ARHGEF10L: variants seen among roughly 807,000 people sequenced by gnomAD.
The protein encoded by ARHGEF10L is Rho guanine nucleotide exchange factor 10 like, also known as rho guanine nucleotide exchange factor 10-like protein.
ARHGEF10L carries 69 observed loss-of-function variants against 141.2 expected under a neutral mutation model. The ratio of observed to expected loss-of-function variants is 0.49; its 90% confidence interval spans 0.40 to 0.60. ARHGEF10L has a LOEUF of 0.60. ARHGEF10L is among the 20% of genes least tolerant of loss of function. The pLI, the probability that ARHGEF10L is intolerant of heterozygous loss-of-function variation, is 0.00. For synonymous variants in ARHGEF10L, 711 were observed against 718.5 expected (o/e 0.99, Z 0.17); for missense variants, 1,482 against 1,734.3 (o/e 0.85, Z 2.58).
chr1:17,676,957 C>T (rs1305986197), intron 26 of ARHGEF10L, among the ~76,000 whole-genome samples: 2 of 151,884 alleles, frequency 1.3e-5, no homozygotes, highest in Non-Finnish European at 2.9e-5. Flanking sequence ...CCTTAGTCCT[C>T]ACTCCCTCCT....
intron 26 of ARHGEF10L, among the ~76,000 whole-genome samples, chr1:17,684,041 G>A (rs1291639494): frequency 2.0e-5 from 3 of 152,216 alleles, no homozygotes; most frequent in South Asian, 2.1e-4. Flanking sequence ...AAGGAGCTGC[G>A]TGCTGTGTTT....
intron 4 of ARHGEF10L, among the ~76,000 whole-genome samples, chr1:17,598,974 T>C (rs2080373477): frequency 6.6e-6 from 1 of 152,110 alleles, no homozygotes; most frequent in African/African-American, 2.4e-5. Context: ...TCTGGGTAAT[T>C]GAAACTTTGT....
At chr1:17,601,981 T>C in intron 4 of ARHGEF10L, 146 bp from the exon 5 acceptor site, 2 of 669,028 alleles carry the variant, frequency 3.0e-6, no homozygotes, top group South Asian at 1.9e-5. Context: ...GGGGCTTGTC[T>C]GAGGCCAACT....
intron 4 of ARHGEF10L, among the ~76,000 whole-genome samples, chr1:17,591,692 G>A (rs1264823466): frequency 2.6e-5 from 4 of 151,944 alleles, no homozygotes; most frequent in Admixed American, 1.3e-4. Context: ...GATTATAGGC[G>A]TGAGCCACCG....
At chr1:17,680,675 G>A (rs925923006) in intron 26 of ARHGEF10L, among the ~76,000 whole-genome samples, 1 of 151,768 alleles carries the variant, frequency 6.6e-6, no homozygotes, top group African/African-American at 2.4e-5. Flanking sequence ...AGAGGAGACT[G>A]AGTCACTGGG....
chr1:17,557,795 G>A (rs1236339057), intron 1 of ARHGEF10L, among the ~76,000 whole-genome samples: 2 of 152,228 alleles, frequency 1.3e-5, no homozygotes, highest in Non-Finnish European at 2.9e-5. Flanking sequence ...CTATGGCTTG[G>A]TAAAGGAGAC....
intron 15 of ARHGEF10L, among the ~76,000 whole-genome samples, chr1:17,628,902 C>T (rs527441565): frequency 6.6e-6 from 1 of 152,290 alleles, no homozygotes; most frequent in South Asian, 2.1e-4. Context: ...AGGGACAAGG[C>T]CTCCTGTAGG....
intron 26 of ARHGEF10L, among the ~76,000 whole-genome samples, chr1:17,668,265 G>C (rs989120891): frequency 2.4e-4 from 37 of 152,206 alleles, no homozygotes; most frequent in African/African-American, 8.2e-4. Context: ...AGTGGGTGTG[G>C]GGCATCGAGC....
At chr1:17,599,397 T>C (rs2080422951) in intron 4 of ARHGEF10L, among the ~76,000 whole-genome samples, 1 of 151,320 alleles carries the variant, frequency 6.6e-6, no homozygotes, top group Admixed American at 6.6e-5. Context: ...AAGCAGTGCA[T>C]GGCGGATGCT....
intron 1 of ARHGEF10L, among the ~76,000 whole-genome samples, chr1:17,562,063 G>C (rs1286798955): frequency 6.6e-6 from 1 of 152,224 alleles, no homozygotes; most frequent in Non-Finnish European, 1.5e-5. Context: ...TTGAAGACTT[G>C]TTAGTGCCCA....
intron 28 of ARHGEF10L, among the ~76,000 whole-genome samples, chr1:17,695,788 C>CGT (rs1371789449): frequency 2.0e-5 from 1 of 50,674 alleles, no homozygotes; most frequent in African/African-American, 5.5e-5. Flanking sequence ...TCCGGGTCCC[C>CGT]CTCCACCACC....
the ARHGEF10L span, among the ~76,000 whole-genome samples, chr1:17,522,568 C>T: frequency 2.6e-5 from 4 of 151,838 alleles, no homozygotes; most frequent in East Asian, 1.9e-4. Flanking sequence ...GAGAAATCCT[C>T]GTCGGGGGCA....
chr1:17,694,904 GC>G, intron 27 of ARHGEF10L: 3 of 655,264 alleles, frequency 4.6e-6, no homozygotes, highest in Non-Finnish European at 8.4e-6. Context: ...TTCCCCCAAT[GC>G]ATCCGTATGG....
chr1:17,648,879 G>A (rs753882087), intron 22 of ARHGEF10L, among the ~76,000 whole-genome samples: 22 of 152,232 alleles, frequency 1.4e-4, no homozygotes, highest in Non-Finnish European at 2.1e-4. Context: ...GGAGGCGAAC[G>A]ACCACTGTGG....
Position 17,695,173 on chromosome 1 carries a change from G to T in ARHGEF10L, c.3200G>T (p.Cys1067Phe), listed in dbSNP as rs147568878. 1.5e-4 allele frequency: 241 copies of T among 1,612,944 alleles called. No individual in the cohort carries two copies. In the African/African-American group the frequency reaches 2.7e-3, roughly 18 times the overall value. Residue 1067 changes from cysteine to phenylalanine, a missense_variant, in exon 28 of 29, where the codon TGT becomes TTT. Coordinates refer to ENST00000361221, the MANE Select transcript of ARHGEF10L (RefSeq NM_018125.4). ...CTTTCTGCAGGCCAGAAGCACTTGT[G>T]TGTCACCAGCCTCCTGATCTGCCAG... The part of the protein sequence containing the change: ...TFLLPGQKHL[C>F]VTSLLICQGL...
At chr1:17,632,862 C>G (rs1429775159) in intron 16 of ARHGEF10L, among the ~76,000 whole-genome samples, 1 of 152,220 alleles carries the variant, frequency 6.6e-6, no homozygotes, top group Non-Finnish European at 1.5e-5. Flanking sequence ...TCAGTGTGAG[C>G]CTTTGCCTTT....
intron 4 of ARHGEF10L, among the ~76,000 whole-genome samples, chr1:17,596,058 C>G (rs74059338): frequency 2.0e-5 from 3 of 152,184 alleles, no homozygotes; most frequent in African/African-American, 7.2e-5. Flanking sequence ...TCCCCCCTCA[C>G]GCCTGGGAGC....
chr1:17,540,816 T>C (rs1007671310), intron 1 of ARHGEF10L, among the ~76,000 whole-genome samples: 1 of 152,182 alleles, frequency 6.6e-6, no homozygotes, highest in African/African-American at 2.4e-5. Flanking sequence ...AGGATGCTAC[T>C]GGGAAGCCAC....
At chr1:17,632,258 C>T in intron 15 of ARHGEF10L, 63 bp from the exon 16 acceptor site, 1 of 1,597,430 alleles carries the variant, frequency 6.3e-7, no homozygotes, top group Admixed American at 1.7e-5. Flanking sequence ...GATTCTGGGT[C>T]TCCGGCGCGG....
Sources: allele counts gnomAD v4.1 joint callset (sites outside exome capture counted in the v4.1 genomes callset), GRCh38; gene constraint gnomAD v4.1.1; transcripts MANE v1.5; gene names NCBI Gene and HGNC (gene_info 2026-07-23, HGNC 2026-07-21).